Variants in RBFOX1 observed in about 807,000 individuals in gnomAD.
RBFOX1 encodes the protein RNA binding protein fox-1 homolog 1.
RBFOX1 carries 8 observed loss-of-function variants against 57.7 expected under a neutral mutation model. The observed-to-expected ratio is 0.14, with a 90% CI of 0.08 to 0.25. The LOEUF is 0.25. Ranked by LOEUF, RBFOX1 falls within the 10% of genes least tolerant of loss-of-function variation. The probability of loss-of-function intolerance (pLI) is 1.00; values close to 1 mark genes in which losing one functional copy is unlikely to be tolerated. For missense variants in RBFOX1, 611 were observed against 548.5 expected (o/e 1.11, Z -1.14); for synonymous variants, 326 against 222.4 (o/e 1.47, Z -4.15).
intron 3 of RBFOX1, among the ~76,000 whole-genome samples, chr16:5,716,885 A>AGCCT (rs1481936939): frequency 6.6e-6 from 1 of 152,188 alleles, no homozygotes; most frequent in Non-Finnish European, 1.5e-5. Context: ...AAAATGTCCA[A>AGCCT]GCCTGTCATC....
At chr16:5,959,440 C>G (rs1185080178) in intron 4 of RBFOX1, among the ~76,000 whole-genome samples, 1 of 152,186 alleles carries the variant, frequency 6.6e-6, no homozygotes, top group Non-Finnish European at 1.5e-5. Context: ...ATTGACCTAG[C>G]ATCCATTCTT....
chr16:5,303,604 C>G (rs773108872), intron 1 of RBFOX1, among the ~76,000 whole-genome samples: 2 of 152,112 alleles, frequency 1.3e-5, no homozygotes, highest in Non-Finnish European at 2.9e-5. Context: ...GGGCTTGATT[C>G]CAAACAGCGC....
In RBFOX1 at chr16:5,757,947, C is replaced by T. The variant is rs115506804; in HGVS notation, c.319-109356C>T. 4.2e-3 allele frequency among the ~76,000 whole-genome samples: 646 copies of T among 152,266 alleles called. 7 individuals carry two copies. The highest frequency in any genetic ancestry group is 0.015 in the African/African-American group (613 of 41,570). ...GCTGGTCATCACCACTGTAGCTGAC[C>T]CTGACTCACTGTGAAGTTCTGTACT... On this transcript the variant is annotated intron_variant, in intron 3 of 19. Coordinates refer to the RBFOX1 transcript ENST00000641259.
At chr16:7,579,652 A>G (rs1241015517) in intron 5 of RBFOX1, 125 bp from the exon 6 acceptor site, 2 of 1,216,960 alleles carry the variant, frequency 1.6e-6, no homozygotes, top group South Asian at 1.4e-5. Flanking sequence ...ATGCGTCAGC[A>G]TTTTCTTCCC....
chr16:5,725,360 C>T (rs1018549666), intron 3 of RBFOX1, among the ~76,000 whole-genome samples: 1 of 152,176 alleles, frequency 6.6e-6, no homozygotes, highest in African/African-American at 2.4e-5. Flanking sequence ...CCTCCTGCCT[C>T]AGCTTCCTGA....
In RBFOX1 at chr16:6,667,704, C is replaced by T. The variant is rs189345123; in HGVS notation, c.-16+13054C>T. 3.3e-3 allele frequency among the ~76,000 whole-genome samples: 495 copies of T among 152,086 alleles called. 4 individuals carry two copies. The highest frequency in any genetic ancestry group is 0.011 in the African/African-American group (440 of 41,460). On this transcript the variant is annotated intron_variant, in intron 3 of 15. Coordinates refer to ENST00000550418, the MANE Select transcript of RBFOX1 (RefSeq NM_018723.4). Reference sequence around the variant, plus strand: ...GAGATGAGCCTAGGCAACATATACCCTATTTCTGCAAAACTGAAGAAAAAA... The same window carrying T: ...GAGATGAGCCTAGGCAACATATACCTTATTTCTGCAAAACTGAAGAAAAAA...
Position 6,919,263 on chromosome 16 carries a change from C to T in RBFOX1, c.-15-132794C>T, listed in dbSNP as rs2073937434. On this transcript the variant is annotated intron_variant, in intron 3 of 15. Coordinates refer to ENST00000550418, the MANE Select transcript of RBFOX1 (RefSeq NM_018723.4). ...TTCCCAAAGTGCTGGGCTGGGATTA[C>T]AGGTGTGAGCCATGGCGCCTGGCCC... Among the ~76,000 whole-genome samples, 4 of 152,110 alleles carry T rather than the reference C, an allele frequency of 2.6e-5. No individual in the cohort carries two copies. In the South Asian group the frequency reaches 6.2e-4, roughly 24 times the overall value.
intron 2 of RBFOX1, among the ~76,000 whole-genome samples, chr16:6,527,604 G>A (rs1002688440): frequency 5.9e-5 from 9 of 152,066 alleles, no homozygotes; most frequent in African/African-American, 2.2e-4. Flanking sequence ...GTAATTGCAT[G>A]CACCTGCAAT....
At chr16:6,181,729 A>G (rs1461243076) in intron 1 of RBFOX1, among the ~76,000 whole-genome samples, 3 of 152,176 alleles carry the variant, frequency 2.0e-5, no homozygotes, top group Non-Finnish European at 4.4e-5. Context: ...TCTACAGGAT[A>G]AGATCCTGTC....
chr16:7,273,320 C>T (rs920028968), intron 4 of RBFOX1, among the ~76,000 whole-genome samples: 1 of 149,906 alleles, frequency 6.7e-6, no homozygotes, highest in Non-Finnish European at 1.5e-5. Context: ...TTGGAAACAG[C>T]ACTCTCTGCT....
intron 14 of RBFOX1, among the ~76,000 whole-genome samples, chr16:7,692,717 A>G (rs930470634): frequency 6.6e-6 from 1 of 152,186 alleles, no homozygotes; most frequent in African/African-American, 2.4e-5. Flanking sequence ...AAAGTAAAAT[A>G]GCATTTTCTA....
At chr16:6,544,568 C>A (rs904012925) in intron 2 of RBFOX1, among the ~76,000 whole-genome samples, 1 of 152,192 alleles carries the variant, frequency 6.6e-6, no homozygotes, top group Admixed American at 6.5e-5. Flanking sequence ...TTTCTCTTAG[C>A]ATTCGATCGT....
intron 4 of RBFOX1, among the ~76,000 whole-genome samples, chr16:7,486,942 C>G (rs1420622166): frequency 6.6e-6 from 1 of 152,178 alleles, no homozygotes; most frequent in Non-Finnish European, 1.5e-5. Flanking sequence ...CTCTGTCACC[C>G]AGTCTGGAGT....
At chr16:6,107,069 C>T (rs1278137945) in intron 1 of RBFOX1, among the ~76,000 whole-genome samples, 1 of 152,220 alleles carries the variant, frequency 6.6e-6, no homozygotes, top group African/African-American at 2.4e-5. Flanking sequence ...GAGAAGACCT[C>T]TTTTACCTGC....
At chr16:7,321,342 C>T (rs548430515) in intron 4 of RBFOX1, among the ~76,000 whole-genome samples, 2 of 151,958 alleles carry the variant, frequency 1.3e-5, no homozygotes, top group Non-Finnish European at 2.9e-5. Flanking sequence ...GACAGGCTTT[C>T]ACCATGTTGG....
chr16:7,461,075 A>T (rs1226593414), intron 4 of RBFOX1, among the ~76,000 whole-genome samples: 1 of 152,194 alleles, frequency 6.6e-6, no homozygotes, highest in African/African-American at 2.4e-5. Flanking sequence ...TTGTTTAGTT[A>T]GCTAAGAATA....
intron 2 of RBFOX1, among the ~76,000 whole-genome samples, chr16:6,576,671 T>C (rs1447023227): frequency 6.6e-6 from 1 of 151,820 alleles, no homozygotes; most frequent in Non-Finnish European, 1.5e-5. Context: ...AGGGAGGTGG[T>C]GACTGAGGTC....
intron 3 of RBFOX1, among the ~76,000 whole-genome samples, chr16:6,794,112 G>A (rs746485964): frequency 3.7e-4 from 56 of 152,084 alleles, no homozygotes; most frequent in Non-Finnish European, 6.3e-4. Flanking sequence ...GGGAGCATGG[G>A]ATGAGGTGTA....
At chr16:7,141,606 A>T (rs1008577454) in intron 4 of RBFOX1, among the ~76,000 whole-genome samples, 1 of 152,182 alleles carries the variant, frequency 6.6e-6, no homozygotes, top group Admixed American at 6.5e-5. Flanking sequence ...GAAAGATTGC[A>T]TGTTCATTAA....
Sources: gnomAD v4.1 joint callset for allele counts (sites outside exome capture counted in the v4.1 genomes callset) on GRCh38, gnomAD v4.1.1 for gene constraint, MANE v1.5 for transcripts, NCBI Gene and HGNC (gene_info 2026-07-23, HGNC 2026-07-21) for gene names.